Variants in MAPK4 observed in about 807,000 individuals in gnomAD.
The protein encoded by MAPK4 is Erk3-related.
A neutral mutation model predicts 47.7 loss-of-function variants in MAPK4; 22 were observed. The ratio of observed to expected loss-of-function variants is 0.46; its 90% CI spans 0.33 to 0.66. The LOEUF is 0.66. Among genes scored for constraint, MAPK4 ranks in the 30% least tolerant of loss-of-function variants. MAPK4 has a pLI of 0.02. For missense variants in MAPK4, 736 were observed against 831.7 expected (o/e 0.88, Z 1.42); for synonymous variants, 390 against 365.7 (o/e 1.07, Z -0.76).
In MAPK4 at chr18:50,726,182, G is replaced by A. The variant is rs370146303; in HGVS notation, c.1067+7G>A. ...GGGACACGTGCAGTTCCAGGTGCTCGCAGCCCTGGGTTCCAGAGCCCACAT... is the reference window on the plus strand; with the variant it reads ...GGGACACGTGCAGTTCCAGGTGCTCACAGCCCTGGGTTCCAGAGCCCACAT... On this transcript the variant is annotated splice_region_variant and intron_variant, in intron 5 of 5. Coordinates refer to ENST00000400384, the MANE Select transcript of MAPK4 (RefSeq NM_002747.4). The A allele has an allele frequency of 1.3e-5, 21 of 1,613,038 alleles. No individual in the cohort carries two copies. The African/African-American group carries it at 1.5e-4, about 11-fold the overall frequency.
At chr18:50,657,414 A>G (rs1013887196) in intron 1 of MAPK4, among the ~76,000 whole-genome samples, 4 of 152,160 alleles carry the variant, frequency 2.6e-5, no homozygotes, top group Admixed American at 2.6e-4. Context: ...CAGCAATAGT[A>G]TATGGTACAA....
At position 50,692,714 on chromosome 18, in the gene MAPK4, A is replaced by C. The variant is rs575855011; in HGVS notation, c.547-22365A>C. 2.0e-5 allele frequency among the ~76,000 whole-genome samples: 3 copies of C among 152,272 alleles called. No homozygotes were observed. In the East Asian group the frequency reaches 5.8e-4, roughly 30 times the overall value. On this transcript the variant is annotated intron_variant, in intron 2 of 5. Transcript: ENST00000400384. ...GGGGCCTGTGGGAAGAAAGAAAACA[A>C]AAGGGCCAAAGCAGGCTAGAAGCTG...
chr18:50,690,407 C>T lies in MAPK4; in HGVS notation c.547-24672C>T, dbSNP rs1176571241. On this transcript the variant is annotated intron_variant, in intron 2 of 5. Transcript: ENST00000400384. ...GAAGAGCATCTTACTACTAACAGCTCAATACCATGAGTTAGCACTGGCTGA... is the reference window on the plus strand; with the variant it reads ...GAAGAGCATCTTACTACTAACAGCTTAATACCATGAGTTAGCACTGGCTGA... Among the ~76,000 whole-genome samples the T allele has an allele frequency of 3.3e-5, 5 of 152,198 alleles. No homozygotes were observed. In the East Asian group the frequency reaches 9.6e-4, roughly 29 times the overall value.
At chr18:50,666,902 C>T (rs758495331) in intron 2 of MAPK4, among the ~76,000 whole-genome samples, 1 of 152,018 alleles carries the variant, frequency 6.6e-6, no homozygotes, top group South Asian at 2.1e-4. Flanking sequence ...TAAATCAGTT[C>T]TCGTTTAATC....
At chr18:50,692,888 G>A (rs1909303873) in intron 2 of MAPK4, among the ~76,000 whole-genome samples, 1 of 152,154 alleles carries the variant, frequency 6.6e-6, no homozygotes, top group African/African-American at 2.4e-5. Context: ...CATGAGTAAG[G>A]ACAGCAGCTC....
At chr18:50,697,080 G>A (rs1179124708) in intron 2 of MAPK4, among the ~76,000 whole-genome samples, 1 of 152,174 alleles carries the variant, frequency 6.6e-6, no homozygotes, top group Non-Finnish European at 1.5e-5. Flanking sequence ...GAGACTTGCT[G>A]AATCAGAAAC....
chr18:50,623,654 T>G (rs1050294672), intron 1 of MAPK4, among the ~76,000 whole-genome samples: 33 of 152,218 alleles, frequency 2.2e-4, no homozygotes, highest in African/African-American at 6.8e-4. Flanking sequence ...TGTGGGGAAC[T>G]GCAATACATT....
chr18:50,625,791 G>A (rs537546575), intron 1 of MAPK4, among the ~76,000 whole-genome samples: 1 of 152,044 alleles, frequency 6.6e-6, no homozygotes, highest in East Asian at 1.9e-4. Context: ...TCTGGAAGGG[G>A]CTCTTGCTAG....
intron 2 of MAPK4, among the ~76,000 whole-genome samples, chr18:50,701,031 A>G (rs10853596): frequency 0.97 from 147,492 of 152,190 alleles, 71,622 homozygotes; most frequent in East Asian, 1. Context: ...AATACCAGGG[A>G]CCTCTTTGCA....
chr18:50,564,007 AG>A (rs948499059), intron 1 of MAPK4, among the ~76,000 whole-genome samples: 1 of 152,154 alleles, frequency 6.6e-6, no homozygotes, highest in Non-Finnish European at 1.5e-5. Flanking sequence ...GTAATTGGGG[AG>A]GCAAAGTGAC....
intron 2 of MAPK4, among the ~76,000 whole-genome samples, chr18:50,708,025 A>C (rs1416825319): frequency 2.6e-5 from 4 of 152,246 alleles, no homozygotes; most frequent in Admixed American, 2.6e-4. Flanking sequence ...TTAGCTGCGT[A>C]ATAGAACGTG....
chr18:50,695,091 AT>A (rs1909428393), intron 2 of MAPK4, among the ~76,000 whole-genome samples: 1 of 152,148 alleles, frequency 6.6e-6, no homozygotes. Context: ...CACGCCTATA[AT>A]ACCAGCACTT....
intron 1 of MAPK4, among the ~76,000 whole-genome samples, chr18:50,628,454 G>A (rs1216665258): frequency 1.3e-5 from 2 of 152,164 alleles, no homozygotes; most frequent in African/African-American, 4.8e-5. Flanking sequence ...ATCAAATGTT[G>A]GCCTTTTGGG....
intron 2 of MAPK4, among the ~76,000 whole-genome samples, chr18:50,671,519 G>T (rs1429475901): frequency 6.6e-6 from 1 of 152,172 alleles, no homozygotes; most frequent in East Asian, 1.9e-4. Context: ...GAGGAAAAGA[G>T]GTACATGATG....
intron 1 of MAPK4, among the ~76,000 whole-genome samples, chr18:50,568,807 C>T (rs1426739170): frequency 2.6e-5 from 4 of 152,222 alleles, no homozygotes; most frequent in African/African-American, 9.6e-5. Flanking sequence ...TTCCAAGTCA[C>T]AGTGTATCTC....
chr18:50,701,727 G>A (rs1909795884), intron 2 of MAPK4, among the ~76,000 whole-genome samples: 1 of 152,158 alleles, frequency 6.6e-6, no homozygotes, highest in African/African-American at 2.4e-5. Flanking sequence ...AAAGAGAATA[G>A]AAGTTGAGTC....
chr18:50,682,316 C>G (rs1908633064), intron 2 of MAPK4, among the ~76,000 whole-genome samples: 1 of 151,970 alleles, frequency 6.6e-6, no homozygotes, highest in Non-Finnish European at 1.5e-5. Context: ...AATCTTCCCA[C>G]AAAGAAAAAA....
At chr18:50,675,077 C>G (rs939259659) in intron 2 of MAPK4, among the ~76,000 whole-genome samples, 5 of 152,172 alleles carry the variant, frequency 3.3e-5, no homozygotes, top group African/African-American at 1.2e-4. Context: ...CTCATAACAA[C>G]CTAATAGGTG....
chr18:50,709,091 T>C (rs904094235), intron 2 of MAPK4, among the ~76,000 whole-genome samples: 7 of 152,148 alleles, frequency 4.6e-5, no homozygotes, highest in African/African-American at 1.7e-4. Flanking sequence ...CTTGCAAATG[T>C]CTACAGGCAG....
Sources: gnomAD v4.1 joint callset for allele counts (sites outside exome capture counted in the v4.1 genomes callset) on GRCh38, gnomAD v4.1.1 for gene constraint, MANE v1.5 for transcripts, NCBI Gene and HGNC (gene_info 2026-07-23, HGNC 2026-07-21) for gene names.